Variants in ADGRV1 observed in about 807,000 individuals in gnomAD.
ADGRV1 encodes the protein adhesion G protein-coupled receptor V1.
ADGRV1 carries 359 observed loss-of-function variants against 596.2 expected under a neutral mutation model. The ratio of observed to expected loss-of-function variants is 0.60; its 90% CI spans 0.55 to 0.66. The LOEUF (loss-of-function observed/expected upper bound fraction) is 0.66. Ranked by LOEUF, ADGRV1 falls within the 30% of genes least tolerant of loss-of-function variation. The probability of loss-of-function intolerance (pLI) is 0.00; values close to 1 mark genes in which losing one functional copy is unlikely to be tolerated. For synonymous variants in ADGRV1, 2,681 were observed against 2,679.2 expected, an observed-to-expected ratio of 1.00 and a Z score of -0.02; for missense variants, 7,274 against 7,575.6, an observed-to-expected ratio of 0.96 and a Z score of 1.48.
At chr5:90,978,204 A>G (rs1035289678) in intron 84 of ADGRV1, among the ~76,000 whole-genome samples, 15 of 152,064 alleles carry the variant, frequency 9.9e-5, no homozygotes, top group African/African-American at 3.6e-4. Flanking sequence ...CTGAGGCAGG[A>G]GAATGGCGTG....
intron 83 of ADGRV1, among the ~76,000 whole-genome samples, chr5:90,930,795 C>T (rs1775173564): frequency 6.6e-6 from 1 of 152,014 alleles, no homozygotes; most frequent in African/African-American, 2.4e-5. Context: ...ATAATTTTAC[C>T]TAGGTTTTAA....
At chr5:90,975,108 A>C (rs4916835) in intron 84 of ADGRV1, among the ~76,000 whole-genome samples, 74,446 of 149,828 alleles carry the variant, frequency 0.5, 20,104 homozygotes, top group African/African-American at 0.71. Context: ...AAATGCTCAT[A>C]ATCACTGGCT....
chr5:90,947,234 T>A (rs988024969), intron 83 of ADGRV1, among the ~76,000 whole-genome samples: 2 of 152,158 alleles, frequency 1.3e-5, no homozygotes, highest in Non-Finnish European at 2.9e-5. Flanking sequence ...TCTCTAACAA[T>A]CAGTGATATC....
At position 90,683,852 on chromosome 5, in the gene ADGRV1, G is replaced by T; in HGVS notation, c.5931G>T (p.Gly1977=). The stretch of plus-strand genomic sequence containing the variant: ...TTTTGGCTAGTGATGATCCATATGG[G>T]ATATTCATTTTTTCTGAGAAAAACA... The part of the protein sequence containing the change: ...LTVLASDDPY[G]IFIFSEKNRP... The change falls in exon 28 of 90, where the codon GGG becomes GGT. Residue 1977 remains glycine (G), a synonymous_variant. Transcript: ENST00000405460. 6.2e-7 allele frequency: 1 copy of T among 1,613,598 alleles called. No homozygotes were observed.
intron 1 of ADGRV1, among the ~76,000 whole-genome samples, chr5:90,589,975 T>A (rs986105590): frequency 6.6e-6 from 1 of 152,138 alleles, no homozygotes. Context: ...TATTTGTACA[T>A]TTTTTTCTAT....
rs1356213925 is a variant in ADGRV1, at chr5:91,164,230, A to G, written c.*330A>G. On this transcript the variant is annotated 3_prime_UTR_variant, in exon 90 of 90. Transcript: ENST00000405460. ...CAATAGAATCTATTTGGTATCATCC[A>G]GCTTCATTATTGATAAAGAAACATT... The G allele has an allele frequency of 2.9e-6, 1 of 350,766 alleles. No homozygotes were observed. Among genetic ancestry groups the G allele is most frequent in the South Asian group, 2.5e-5 (1 of 40,174 alleles). 21.7% of individuals were successfully genotyped at this position (350,766 alleles called of 1,614,324 possible). A position where few individuals can be genotyped will look rare whatever the true frequency, so the allele number is the denominator to read the frequency against.
rs371747319 is a variant in ADGRV1 at position 90,672,734 on chromosome 5, C to T, written c.4929+12C>T. 5 of 1,566,968 alleles carry T rather than the reference C, an allele frequency of 3.2e-6. 1 individual carries two copies. In the South Asian group the frequency reaches 6.1e-5, roughly 19 times the overall value. ...GGCAGAGATCAGAGGTAAACCCTAC[C>T]TTTTTTGTTCCTTTGAAAGCCTCCT... is the stretch of plus-strand genomic sequence containing the variant. On this transcript the variant is annotated intron_variant, in intron 22 of 89. Transcript: ENST00000405460.
At chr5:90,949,962 A>G (rs1776919934) in intron 83 of ADGRV1, among the ~76,000 whole-genome samples, 1 of 152,218 alleles carries the variant, frequency 6.6e-6, no homozygotes, top group Non-Finnish European at 1.5e-5. Flanking sequence ...TTTCCAGAAT[A>G]ATGCATGTTA....
chr5:90,979,684 C>T (rs1013911312), intron 84 of ADGRV1, among the ~76,000 whole-genome samples: 3 of 152,072 alleles, frequency 2.0e-5, no homozygotes, highest in Admixed American at 6.6e-5. Flanking sequence ...TACATCCATG[C>T]CATTAGTGTT....
intron 85 of ADGRV1, among the ~76,000 whole-genome samples, chr5:91,030,240 C>T (rs1445331288): frequency 6.6e-6 from 1 of 152,038 alleles, no homozygotes; most frequent in South Asian, 2.1e-4. Flanking sequence ...CTTAGATAAA[C>T]CCTTTATTTT....
At chr5:90,667,399 GCATCAGCTCCTGAGGCTT>G (rs1251593187) in intron 21 of ADGRV1, among the ~76,000 whole-genome samples, 1 of 147,230 alleles carries the variant, frequency 6.8e-6, no homozygotes, top group Non-Finnish European at 1.5e-5. Context: ...CCAGTTGATT[GCATCAGCTCCTGAGGCTT>G]CTGCATTCTT....
At chr5:90,595,080 A>C (rs1760105820) in intron 1 of ADGRV1, among the ~76,000 whole-genome samples, 1 of 125,550 alleles carries the variant, frequency 8.0e-6, no homozygotes. Flanking sequence ...GGCGCCCCTC[A>C]CCTCCCGGAC....
intron 31 of ADGRV1, among the ~76,000 whole-genome samples, chr5:90,691,384 C>CTTTTTTTTTTTTTTTT (rs34426784): frequency 8.1e-6 from 1 of 123,452 alleles, no homozygotes; most frequent in Non-Finnish European, 1.6e-5. Flanking sequence ...AAACTTTTTT[C>CTTTTTTTTTTTTTTTT]TTTTTTTTTT....
At chr5:91,025,058 C>T (rs1232315974) in intron 85 of ADGRV1, among the ~76,000 whole-genome samples, 1 of 152,142 alleles carries the variant, frequency 6.6e-6, no homozygotes, top group East Asian at 1.9e-4. Context: ...GCTTCTCTGA[C>T]CAACACTGGC....
chr5:90,683,218 A>T (rs199591221), intron 27 of ADGRV1, among the ~76,000 whole-genome samples: 4 of 140,428 alleles, frequency 2.8e-5, no homozygotes, highest in Non-Finnish European at 6.1e-5. Flanking sequence ...TGTTTTATTT[A>T]TTTTTTTTAA....
chr5:90,727,254 A>AT (rs1751919964), intron 48 of ADGRV1, among the ~76,000 whole-genome samples: 2 of 152,094 alleles, frequency 1.3e-5, no homozygotes, highest in African/African-American at 2.4e-5. Flanking sequence ...CACCTGGCTG[A>AT]TTTTTTGTAT....
At chr5:91,038,863 A>G (rs1307224947) in intron 85 of ADGRV1, among the ~76,000 whole-genome samples, 1 of 152,172 alleles carries the variant, frequency 6.6e-6, no homozygotes, top group Admixed American at 6.5e-5. Context: ...CCATTGTGCT[A>G]TCAGTTGGTT....
At chr5:90,643,700 T>TC in intron 13 of ADGRV1, 103 bp from the exon 14 acceptor site, 1 of 855,388 alleles carries the variant, frequency 1.2e-6, no homozygotes, top group Non-Finnish European at 1.8e-6. Flanking sequence ...AGTTATATGC[T>TC]TCTGAAACTT....
intron 1 of ADGRV1, among the ~76,000 whole-genome samples, chr5:90,605,980 C>T (rs1288158448): frequency 1.3e-5 from 2 of 151,926 alleles, no homozygotes; most frequent in Non-Finnish European, 2.9e-5. Context: ...ACAAATTTTT[C>T]CCAATTTACA....
Sources: gnomAD v4.1 joint callset for allele counts (sites outside exome capture counted in the v4.1 genomes callset) on GRCh38, gnomAD v4.1.1 for gene constraint, MANE v1.5 for transcripts, NCBI Gene and HGNC (gene_info 2026-07-23, HGNC 2026-07-21) for gene names.